Variants in SLC2A13 observed in about 807,000 individuals in gnomAD.
SLC2A13 encodes proton myo-inositol cotransporter.
Under a neutral mutation model 64.4 loss-of-function variants are expected in SLC2A13, and 32 were observed. That is an observed-to-expected ratio of 0.50 (90% CI 0.37 to 0.67). SLC2A13 has a LOEUF of 0.67. Among genes scored for constraint, SLC2A13 ranks in the 30% least tolerant of loss-of-function variants. The pLI, the probability that SLC2A13 is intolerant of heterozygous loss-of-function variation, is 0.00. For synonymous variants in SLC2A13, 338 were observed against 327.1 expected, an observed-to-expected ratio of 1.03 and a Z score of -0.36; for missense variants, 743 against 829.2, an observed-to-expected ratio of 0.90 and a Z score of 1.28.
chr12:39,777,469 G>C (rs1243549585), intron 7 of SLC2A13, among the ~76,000 whole-genome samples: 1 of 152,216 alleles, frequency 6.6e-6, no homozygotes, highest in African/African-American at 2.4e-5. Context: ...GGAAGTGCTA[G>C]GTAGAGGAGG....
chr12:39,933,106 G>C (rs948934850), intron 4 of SLC2A13, among the ~76,000 whole-genome samples: 2 of 152,154 alleles, frequency 1.3e-5, no homozygotes, highest in Non-Finnish European at 2.9e-5. Context: ...GCATGTGCCT[G>C]TAATCTCAGC....
intron 2 of SLC2A13, among the ~76,000 whole-genome samples, chr12:40,046,625 T>C (rs1948175047): frequency 6.6e-6 from 1 of 151,710 alleles, no homozygotes; most frequent in Non-Finnish European, 1.5e-5. Flanking sequence ...TTTCTCTTCA[T>C]CTACTGAGTA....
chr12:40,004,356 G>T (rs1043958782), intron 3 of SLC2A13, among the ~76,000 whole-genome samples: 8 of 151,946 alleles, frequency 5.3e-5, no homozygotes, highest in Non-Finnish European at 1.2e-4. Context: ...GGATAATTTT[G>T]TATTTTTAGT....
At chr12:39,802,083 T>C (rs145464702) in intron 7 of SLC2A13, among the ~76,000 whole-genome samples, 20 of 152,138 alleles carry the variant, frequency 1.3e-4, no homozygotes, top group East Asian at 5.8e-4. Flanking sequence ...CTAAGTGGGG[T>C]TGGGCAGTTG....
intron 4 of SLC2A13, among the ~76,000 whole-genome samples, chr12:39,887,214 C>T (rs898355070): frequency 6.6e-6 from 1 of 152,106 alleles, no homozygotes; most frequent in Non-Finnish European, 1.5e-5. Context: ...AGCACTTTTG[C>T]TGCTAAATAA....
chr12:39,805,432 T>C (rs1406903540), intron 7 of SLC2A13, among the ~76,000 whole-genome samples: 2 of 151,774 alleles, frequency 1.3e-5, no homozygotes, highest in African/African-American at 4.8e-5. Flanking sequence ...TCTGGGTACA[T>C]CGTGAAGGAG....
intron 7 of SLC2A13, among the ~76,000 whole-genome samples, chr12:39,768,109 G>A (rs894321991): frequency 6.6e-6 from 1 of 152,102 alleles, no homozygotes; most frequent in East Asian, 1.9e-4. Flanking sequence ...TTGCAACAAG[G>A]TGTGAAGTGA....
At chr12:39,818,862 C>T (rs1272551890) in intron 7 of SLC2A13, among the ~76,000 whole-genome samples, 2 of 152,050 alleles carry the variant, frequency 1.3e-5, no homozygotes, top group East Asian at 3.8e-4. Context: ...AAAATATTGA[C>T]TTAACTCTGA....
intron 2 of SLC2A13, among the ~76,000 whole-genome samples, chr12:40,047,298 C>T (rs950091395): frequency 6.6e-5 from 10 of 152,044 alleles, no homozygotes; most frequent in African/African-American, 2.2e-4. Context: ...ATTCTATTCC[C>T]CAGTATCTAC....
intron 1 of SLC2A13, among the ~76,000 whole-genome samples, chr12:40,071,615 T>C (rs959050878): frequency 6.6e-6 from 1 of 152,196 alleles, no homozygotes; most frequent in African/African-American, 2.4e-5. Context: ...TAGAATTCAC[T>C]TGTAAACCCA....
intron 3 of SLC2A13, among the ~76,000 whole-genome samples, chr12:39,967,983 A>G (rs1946553467): frequency 6.6e-6 from 1 of 152,164 alleles, no homozygotes; most frequent in Non-Finnish European, 1.5e-5. Flanking sequence ...ATTTCACCTC[A>G]CTTTGCAAAT....
chr12:39,952,909 C>T (rs1338058495), intron 3 of SLC2A13, among the ~76,000 whole-genome samples: 2 of 151,942 alleles, frequency 1.3e-5, no homozygotes, highest in Non-Finnish European at 2.9e-5. Flanking sequence ...TGCAAGTGAC[C>T]CACAAAATAA....
rs1939972749 is a variant in SLC2A13, at chr12:39,756,502, C to A, written c.*3524G>T. 6.6e-6 allele frequency: 1 copy of A among 151,618 alleles called. No homozygotes were observed. The highest frequency in any genetic ancestry group is 1.5e-5 in the Non-Finnish European group (1 of 67,628). 9.4% of individuals were successfully genotyped at this position (151,618 alleles called of 1,614,324 possible). ...TAATAATTGTGCTGATGAAATAAAA[C>A]CAAAATAACATTCCAACTCTCTCCA... On this transcript the variant is annotated 3_prime_UTR_variant, in exon 10 of 10. Coordinates refer to ENST00000280871, the MANE Select transcript of SLC2A13 (RefSeq NM_052885.4).
In SLC2A13 at chr12:40,105,579, G is replaced by T; in HGVS notation, c.230C>A (p.Thr77Asn). Residue 77 changes from threonine to asparagine, a missense_variant, in exon 1 of 10, where the codon ACC (threonine) becomes AAC (asparagine). Around this residue, in one of 2 missense-constraint regions of SLC2A13, gnomAD observed 448 missense variants for 447.4 expected, o/e 1.00. Transcript: ENST00000280871. This position sits in a 1 kb window ranked among gnomAD's most constrained non-coding sequence, Gnocchi z 4.2. ...AARRQFQQDE[T>N]PAFVYVVAVF... ...GGCCACCACGTACACGAAGGCGGGG[G>T]TCTCGTCCTGCTGGAACTGCCGCCG... 5.1e-6 allele frequency: 8 copies of T among 1,560,380 alleles called. No homozygotes were observed. The highest frequency in any genetic ancestry group is 1.4e-5 in the African/African-American group (1 of 71,184).
In SLC2A13 at chr12:40,105,278, G is replaced by A; in HGVS notation, c.531C>T (p.Gly177=). 6.3e-7 allele frequency: 1 copy of A among 1,597,394 alleles called. No homozygotes were observed. The highest frequency in any genetic ancestry group is 1.4e-5 in the African/African-American group (1 of 73,712). ...AANNKETLLA[G]RLVVGLGIGI... ...CGATGCCGAGTCCCACGACCAGGCGGCCGGCGAGCAGTGTCTCCTTGTTGT... is the reference window on the plus strand; with the variant it reads ...CGATGCCGAGTCCCACGACCAGGCGACCGGCGAGCAGTGTCTCCTTGTTGT... The change falls in exon 1 of 10, where the codon GGC becomes GGT. Residue 177 remains glycine, a synonymous_variant. Coordinates refer to ENST00000280871, the MANE Select transcript of SLC2A13 (RefSeq NM_052885.4). This position sits in a 1 kb window ranked among gnomAD's most constrained non-coding sequence, Gnocchi z 4.2.
chr12:39,918,366 T>C (rs1945555325), intron 4 of SLC2A13, among the ~76,000 whole-genome samples: 1 of 150,308 alleles, frequency 6.7e-6, no homozygotes, highest in South Asian at 2.1e-4. Flanking sequence ...AGTTTCCTTT[T>C]TTTTTTTTTT....
chr12:40,028,271 T>G (rs1219896855), intron 3 of SLC2A13, 30 bp downstream of exon 3: 1 of 1,555,282 alleles, frequency 6.4e-7, no homozygotes, highest in Admixed American at 1.8e-5. Flanking sequence ...GTATAGTTTT[T>G]AAATTCATAT....
chr12:39,843,168 A>G (rs909206270), intron 6 of SLC2A13, among the ~76,000 whole-genome samples: 4 of 152,030 alleles, frequency 2.6e-5, no homozygotes, highest in Non-Finnish European at 4.4e-5. Context: ...ATAACTATAC[A>G]TATGATATTT....
intron 6 of SLC2A13, among the ~76,000 whole-genome samples, chr12:39,860,468 A>G (rs1186858892): frequency 2.6e-5 from 4 of 152,196 alleles, no homozygotes; most frequent in African/African-American, 9.7e-5. Context: ...ATTATCATGC[A>G]TGGATAATAA....
Sources: gnomAD v4.1 joint callset for allele counts (sites outside exome capture counted in the v4.1 genomes callset) on GRCh38, gnomAD v4.1.1 for gene constraint, gnomAD v4.1.1 regional missense constraint, Gnocchi (gnomAD v3.1) non-coding constraint, MANE v1.5 for transcripts, NCBI Gene and HGNC (gene_info 2026-07-23, HGNC 2026-07-21) for gene names.